The following NSUN4 variants were observed in gnomAD, a reference collection of about 807,000 sequenced individuals.
NSUN4 encodes 5-cytosine rRNA methyltransferase NSUN4.
A neutral mutation model predicts 43.8 loss-of-function variants in NSUN4; 31 were observed. That is an observed-to-expected ratio of 0.71 (90% CI 0.53 to 0.96). NSUN4 has a LOEUF of 0.96. NSUN4 is among the 40% of genes least tolerant of loss of function. NSUN4 has a pLI of 0.00. For missense variants in NSUN4, 439 were observed against 475.6 expected (o/e 0.92, Z 0.72); for synonymous variants, 167 against 184.1 (o/e 0.91, Z 0.75).
chr1:46,360,577 T>C (rs1663795234), intron 4 of NSUN4, 127 bp from the exon 5 acceptor site: 6 of 835,976 alleles, frequency 7.2e-6, no homozygotes, highest in Non-Finnish European at 1.1e-5. Flanking sequence ...TGTCAGGTAC[T>C]CTGCAAAGGA....
At chr1:46,380,296 C>G in the NSUN4 span, among the ~76,000 whole-genome samples, 1 of 152,202 alleles carries the variant, frequency 6.6e-6, no homozygotes, top group Non-Finnish European at 1.5e-5. Context: ...GACAGGGAAA[C>G]TTACCAGGGT....
At chr1:46,373,265 C>T in the NSUN4 span, among the ~76,000 whole-genome samples, 2 of 152,208 alleles carry the variant, frequency 1.3e-5, no homozygotes, top group Middle Eastern at 3.2e-3. Context: ...CCAACCTGCT[C>T]CTCCAAATTC....
chr1:46,378,989 T>C, the NSUN4 span, among the ~76,000 whole-genome samples: 5 of 152,294 alleles, frequency 3.3e-5, no homozygotes, highest in South Asian at 4.1e-4. Flanking sequence ...CTACTTTCCA[T>C]TGGTTAAAGC....
At position 46,340,842 on chromosome 1, in the gene NSUN4, C is replaced by T. The variant is rs1662038959; in HGVS notation, c.16C>T (p.Leu6=). The T allele has an allele frequency of 6.2e-7, 1 of 1,612,070 alleles. No individual in the cohort carries two copies. The highest frequency in any genetic ancestry group is 8.5e-7 in the Non-Finnish European group (1 of 1,179,262). MAALT[L]RGVRELLKRV... Reference sequence around the variant, plus strand: ...GCACGCCGATATGGCTGCGCTGACACTGAGGGGTGTCCGGGAGCTGCTGAA... The same window carrying T: ...GCACGCCGATATGGCTGCGCTGACATTGAGGGGTGTCCGGGAGCTGCTGAA... The change falls in exon 1 of 6, where the codon CTG becomes TTG. Residue 6 remains leucine (L), a synonymous_variant. Transcript: ENST00000474844.
chr1:46,344,863 C>G lies in NSUN4; in HGVS notation c.156C>G (p.Tyr52Ter). 6.2e-7 allele frequency: 1 copy of G among 1,614,228 alleles called. No homozygotes were observed. Among genetic ancestry groups the G allele is most frequent in the Non-Finnish European group, 8.5e-7 (1 of 1,180,042 alleles). ...CTTTGCAGAATTTTGACATGACTTA[C>G]AGTGTGCAGTTTGGAGATCTTTGGC... ...RLALQNFDMT[Y>*]SVQFGDLWPS... Residue 52 changes from tyrosine to a stop codon, truncating the protein, a stop_gained, in exon 2 of 6, where the codon TAC becomes TAG. Coordinates refer to ENST00000474844, the MANE Select transcript of NSUN4 (RefSeq NM_199044.4). LOFTEE classifies it high-confidence loss of function.
the NSUN4 span, among the ~76,000 whole-genome samples, chr1:46,376,712 ATGTG>A: frequency 0.41 from 60,060 of 148,180 alleles, 13,240 homozygotes; most frequent in East Asian, 0.78. Context: ...TTTAGAGAGC[ATGTG>A]TGTGTGTGTG....
downstream of NSUN4, among the ~76,000 whole-genome samples, chr1:46,368,918 C>T (rs1664195074): frequency 6.6e-6 from 1 of 152,112 alleles, no homozygotes; most frequent in Non-Finnish European, 1.5e-5. Context: ...CTCTCCATTG[C>T]CAGCAGGATC....
At chr1:46,380,329 G>GCCC in the NSUN4 span, among the ~76,000 whole-genome samples, 1 of 152,184 alleles carries the variant, frequency 6.6e-6, no homozygotes, top group Non-Finnish European at 1.5e-5. Flanking sequence ...CTGTGGGCAG[G>GCCC]AGTAACTCTT....
rs112451233 is a variant in NSUN4, at chr1:46,344,897, C to T, written c.190C>T (p.Arg64Cys). ...GTTTGGAGATCTTTGGCCATCAATC[C>T]GTGTCAGTCTCCTCTCAGAGCAGAA... ...VQFGDLWPSIRVSLLSEQKYG... is the reference protein window; with the variant it reads ...VQFGDLWPSICVSLLSEQKYG... The change falls in exon 2 of 6, where the codon CGT becomes TGT. Residue 64 changes from arginine to cysteine, a missense_variant. Coordinates refer to ENST00000474844, the MANE Select transcript of NSUN4 (RefSeq NM_199044.4). 23 of 1,614,032 alleles carry T rather than the reference C, an allele frequency of 1.4e-5. No individual in the cohort carries two copies. The highest frequency in any genetic ancestry group is 4.5e-5 in the East Asian group (2 of 44,892).
chr1:46,373,659 T>C, the NSUN4 span, among the ~76,000 whole-genome samples: 9 of 152,198 alleles, frequency 5.9e-5, no homozygotes, highest in Non-Finnish European at 1.3e-4. Context: ...CAGGAGGCCA[T>C]CACCAATAAT....
chr1:46,382,606 CTT>C, the NSUN4 span, among the ~76,000 whole-genome samples: 14 of 142,294 alleles, frequency 9.8e-5, no homozygotes, highest in Admixed American at 4.2e-4. Context: ...AAAAATGCTT[CTT>C]TTTTTTTTTT....
downstream of NSUN4, among the ~76,000 whole-genome samples, chr1:46,367,163 A>C (rs895101325): frequency 2.6e-5 from 4 of 152,182 alleles, no homozygotes; most frequent in African/African-American, 9.6e-5. Context: ...CAGAGACCCC[A>C]GTAACAACTC....
chr1:46,368,501 T>C (rs324410), downstream of NSUN4, among the ~76,000 whole-genome samples: 147,211 of 152,240 alleles, frequency 0.97, 71,219 homozygotes, highest in East Asian at 1. Context: ...CCTGGACCAA[T>C]CTGCTGGAGA....
chr1:46,361,682 C>A lies in NSUN4; in HGVS notation c.991C>A (p.Gln331Lys), dbSNP rs1269373856. The A allele has an allele frequency of 3.7e-6, 6 of 1,614,096 alleles. No homozygotes were observed. The Admixed American group carries it at 1.0e-4, about 27-fold the overall frequency. Residue 331 changes from glutamine (Q) to lysine (K), a missense_variant, in exon 6 of 6, where the codon CAA (glutamine) becomes AAA (lysine). Physicochemically the swap from Gln to Lys is moderately conservative, Grantham distance 53 (BLOSUM62 1). Coordinates refer to ENST00000474844, the MANE Select transcript of NSUN4 (RefSeq NM_199044.4). ...VQGAIELLAN[Q>K]YSIQVQVEDL... ...AGGTGCCATTGAGCTCCTGGCCAAT[C>A]AATACAGCATCCAGGTACAGGTGGA... is the stretch of plus-strand genomic sequence containing the variant.
At chr1:46,342,620 A>G (rs568534036) in intron 1 of NSUN4, 45 of 399,144 alleles carry the variant, frequency 1.1e-4, no homozygotes, top group African/African-American at 9.1e-4. Flanking sequence ...CCCAGGAACC[A>G]TCTCGTCCCC....
At chr1:46,352,231 C>T (rs1228706940) in intron 3 of NSUN4, among the ~76,000 whole-genome samples, 1 of 151,274 alleles carries the variant, frequency 6.6e-6, no homozygotes, top group African/African-American at 2.4e-5. Context: ...CAGGCGGGAT[C>T]ACCTGAGGTC....
intron 4 of NSUN4, among the ~76,000 whole-genome samples, chr1:46,358,063 C>T (rs781611839): frequency 2.6e-4 from 39 of 151,888 alleles, no homozygotes; most frequent in Non-Finnish European, 4.6e-4. Context: ...TACAGGCGCC[C>T]GCCACCATGC....
intron 4 of NSUN4, among the ~76,000 whole-genome samples, chr1:46,356,608 C>T (rs932751107): frequency 2.6e-5 from 4 of 151,898 alleles, no homozygotes; most frequent in African/African-American, 7.3e-5. Context: ...AGGAGAATGG[C>T]GTAAACCCTG....
chr1:46,351,659 CTTTTTT>C (rs1190689943), intron 3 of NSUN4, among the ~76,000 whole-genome samples: 2 of 88,870 alleles, frequency 2.3e-5, no homozygotes, highest in South Asian at 4.9e-4. Flanking sequence ...GACCCAGTCT[CTTTTTT>C]TTTTTTTTTT....
Sources: allele counts gnomAD v4.1 joint callset (sites outside exome capture counted in the v4.1 genomes callset), GRCh38; gene constraint gnomAD v4.1.1; transcripts MANE v1.5; gene names NCBI Gene and HGNC (gene_info 2026-07-23, HGNC 2026-07-21).